Variants in IMMP2L observed in about 807,000 individuals in gnomAD.
The protein encoded by IMMP2L is inner mitochondrial membrane peptidase subunit 2.
In IMMP2L, 18 loss-of-function variants were observed where a neutral mutation model predicts 19.3. That is an observed-to-expected ratio of 0.93 (90% CI 0.64 to 1.38). IMMP2L has a LOEUF of 1.38. IMMP2L is among the 40% of genes most tolerant of loss of function. IMMP2L has a pLI of 0.00. For missense variants in IMMP2L, 233 were observed against 218.2 expected, an observed-to-expected ratio of 1.07 and a Z score of -0.43; for synonymous variants, 76 against 73.0, an observed-to-expected ratio of 1.04 and a Z score of -0.21.
chr7:111,356,974 T>C (rs1336680311), intron 3 of IMMP2L, among the ~76,000 whole-genome samples: 3 of 152,078 alleles, frequency 2.0e-5, no homozygotes, highest in African/African-American at 7.2e-5. Context: ...GAGCCCGAGA[T>C]GGTGCCATTG....
chr7:111,506,305 C>T (rs1473152240), intron 2 of IMMP2L, among the ~76,000 whole-genome samples: 1 of 151,996 alleles, frequency 6.6e-6, no homozygotes, highest in African/African-American at 2.4e-5. Context: ...TCTAAATTGA[C>T]CCCATTTTAG....
intron 1 of IMMP2L, among the ~76,000 whole-genome samples, chr7:111,542,882 A>G (rs1848611838): frequency 6.6e-6 from 1 of 152,144 alleles, no homozygotes; most frequent in Non-Finnish European, 1.5e-5. Flanking sequence ...AGCACTCTCA[A>G]TTGCCTCTTA....
chr7:110,842,436 G>T (rs571188610), intron 5 of IMMP2L, among the ~76,000 whole-genome samples: 1 of 152,170 alleles, frequency 6.6e-6, no homozygotes, highest in Non-Finnish European at 1.5e-5. Context: ...AGATTGCACC[G>T]TGGAAGTGAT....
At position 111,111,942 on chromosome 7, in the gene IMMP2L, G is replaced by GTTTTTT. The variant is rs748410980; in HGVS notation, c.240-148383_240-148378dup. 4.9e-3 allele frequency among the ~76,000 whole-genome samples: 409 copies of GTTTTTT among 84,088 alleles called. 4 individuals are homozygous for GTTTTTT. The highest frequency in any genetic ancestry group is 0.011 in the Middle Eastern group (1 of 92). The allele number at this position is 84,088 out of a possible 152,430, so 55.2% of individuals were successfully genotyped here. A position where few individuals can be genotyped will look rare whatever the true frequency, so the allele number is the denominator to read the frequency against. ...TTATTTATATATATATATATAGTTTGTTTTTTTTTTTTTTTTTTTTTTTGA... is the reference window on the plus strand; with the variant it reads ...TTATTTATATATATATATATAGTTTGTTTTTTTTTTTTTTTTTTTTTTTTTTTTTGA... On this transcript the variant is annotated intron_variant, in intron 3 of 5. Coordinates refer to ENST00000405709, the MANE Select transcript of IMMP2L (RefSeq NM_032549.4).
intron 3 of IMMP2L, among the ~76,000 whole-genome samples, chr7:111,484,254 T>C (rs6967951): frequency 0.011 from 1,617 of 152,326 alleles, 35 homozygotes; most frequent in African/African-American, 0.036. Context: ...GACATTGTTA[T>C]TGTTTTCATC....
At chr7:111,286,392 TG>T (rs1820485871) in intron 3 of IMMP2L, among the ~76,000 whole-genome samples, 1 of 152,136 alleles carries the variant, frequency 6.6e-6, no homozygotes, top group Non-Finnish European at 1.5e-5. Flanking sequence ...ATGACTTAAC[TG>T]AGATTGCGTA....
rs114811791 is a variant in IMMP2L at position 110,929,361 on chromosome 7, G to A, written c.305+34139C>T. ...AAGTAACACTAAGATATTTCCCTCC[G>A]TTTGAGAAAGTAAGGTCTCCTATGA... On this transcript the variant is annotated intron_variant, in intron 4 of 5. Transcript: ENST00000405709. 4.3e-3 allele frequency among the ~76,000 whole-genome samples: 648 copies of A among 152,174 alleles called. 5 individuals are homozygous for A. Among genetic ancestry groups the A allele is most frequent in the African/African-American group, 0.015 (621 of 41,524 alleles).
intron 3 of IMMP2L, among the ~76,000 whole-genome samples, chr7:110,996,645 T>A (rs1027558158): frequency 2.6e-5 from 4 of 152,104 alleles, no homozygotes; most frequent in Non-Finnish European, 4.4e-5. Flanking sequence ...TCTTTTTTTT[T>A]CTGAGTGAGC....
chr7:110,917,546 G>A (rs1585258091), intron 4 of IMMP2L, among the ~76,000 whole-genome samples: 1 of 152,112 alleles, frequency 6.6e-6, no homozygotes, highest in African/African-American at 2.4e-5. Flanking sequence ...ACAGAACTAG[G>A]ATTCAATGCC....
At chr7:111,048,532 AG>A (rs1727171075) in intron 3 of IMMP2L, among the ~76,000 whole-genome samples, 1 of 152,130 alleles carries the variant, frequency 6.6e-6, no homozygotes, top group African/African-American at 2.4e-5. Context: ...CCTTAATCAT[AG>A]TACTTAACAT....
intron 3 of IMMP2L, among the ~76,000 whole-genome samples, chr7:111,235,091 C>T (rs551546956): frequency 1.2e-4 from 18 of 152,146 alleles, no homozygotes; most frequent in South Asian, 6.2e-4. Context: ...ACAGGTCTGC[C>T]AGTGACTAAT....
intron 3 of IMMP2L, among the ~76,000 whole-genome samples, chr7:111,035,492 G>T (rs1260056183): frequency 6.6e-6 from 1 of 152,160 alleles, no homozygotes; most frequent in African/African-American, 2.4e-5. Context: ...GCAATAAATA[G>T]TGATTGCTTC....
intron 3 of IMMP2L, among the ~76,000 whole-genome samples, chr7:111,437,165 G>A (rs1337446478): frequency 6.6e-6 from 1 of 151,650 alleles, no homozygotes; most frequent in Admixed American, 6.6e-5. Flanking sequence ...TACATCCACA[G>A]CCAGACACGG....
chr7:111,228,855 T>A (rs1813396084), intron 3 of IMMP2L, among the ~76,000 whole-genome samples: 1 of 151,876 alleles, frequency 6.6e-6, no homozygotes, highest in East Asian at 1.9e-4. Context: ...TAAAAAAAAA[T>A]TAATGGATAT....
At chr7:111,193,347 T>C (rs138362535) in intron 3 of IMMP2L, among the ~76,000 whole-genome samples, 1,650 of 152,138 alleles carry the variant, frequency 0.011, 34 homozygotes, top group African/African-American at 0.037. Flanking sequence ...ACTCTGAGAA[T>C]CAGTGAAGTA....
intron 2 of IMMP2L, among the ~76,000 whole-genome samples, chr7:111,512,061 T>C (rs1276224242): frequency 6.6e-6 from 1 of 152,160 alleles, no homozygotes; most frequent in African/African-American, 2.4e-5. Flanking sequence ...AAATCATGTA[T>C]ATACACGTAA....
At chr7:110,897,689 A>T (rs182433238) in intron 4 of IMMP2L, among the ~76,000 whole-genome samples, 1 of 152,224 alleles carries the variant, frequency 6.6e-6, no homozygotes, top group Non-Finnish European at 1.5e-5. Flanking sequence ...CAAAGATAAT[A>T]CTTAAAACAG....
chr7:110,741,342 A>C (rs987343292), intron 5 of IMMP2L, among the ~76,000 whole-genome samples: 2 of 152,286 alleles, frequency 1.3e-5, no homozygotes, highest in Non-Finnish European at 2.9e-5. Context: ...GAATAAAAAC[A>C]ACCAAAATAA....
chr7:110,914,270 G>T (rs1813355873), intron 4 of IMMP2L, among the ~76,000 whole-genome samples: 1 of 152,132 alleles, frequency 6.6e-6, no homozygotes. Context: ...CTCTGCTGTT[G>T]TCTGCAGTTG....
Sources: allele counts gnomAD v4.1 joint callset (sites outside exome capture counted in the v4.1 genomes callset), GRCh38; gene constraint gnomAD v4.1.1; transcripts MANE v1.5; gene names NCBI Gene and HGNC (gene_info 2026-07-23, HGNC 2026-07-21).